The following LRCH1 variants were observed in gnomAD, a reference collection of about 807,000 sequenced individuals.
LRCH1 encodes the protein leucine rich repeats and calponin homology domain containing 1.
A neutral mutation model predicts 94.9 loss-of-function variants in LRCH1; 23 were observed. The observed-to-expected ratio is 0.24, with a 90% CI of 0.17 to 0.34. The LOEUF is 0.34. Among genes scored for constraint, LRCH1 ranks in the 10% least tolerant of loss-of-function variants. The pLI is 1.00. For missense variants in LRCH1, 790 were observed against 945.9 expected (o/e 0.84, Z 2.16); for synonymous variants, 364 against 354.9 (o/e 1.03, Z -0.29).
chr13:46,575,046 G>T (rs2050288144), intron 1 of LRCH1, among the ~76,000 whole-genome samples: 1 of 151,952 alleles, frequency 6.6e-6, no homozygotes, highest in Non-Finnish European at 1.5e-5. Flanking sequence ...TGGATAGTGG[G>T]ATAAATGAAA....
chr13:46,621,373 A>G (rs150020299), intron 1 of LRCH1, among the ~76,000 whole-genome samples: 1 of 152,252 alleles, frequency 6.6e-6, no homozygotes. Flanking sequence ...ATGGAAATGC[A>G]GCTGACTTGC....
In LRCH1 at chr13:46,733,927, C is replaced by T; in HGVS notation, c.2014C>T (p.Leu672Phe). Residue 672 changes from leucine (L) to phenylalanine (F), a missense_variant, in exon 19 of 20, where the codon CTT becomes TTT. This residue lies in a region of LRCH1 where 460 missense variants were observed against 508.9 expected (regional missense o/e 0.90). Coordinates refer to ENST00000389797, the MANE Select transcript of LRCH1 (RefSeq NM_001164211.2). ...IHVPSPAVPK[L>F]SMAKCRRNVE... The stretch of plus-strand genomic sequence containing the variant: ...CGTATATTTGCATTTATAGCCCAAA[C>T]TTAGCATGGCCAAATGCAGAAGAAA... The T allele has an allele frequency of 6.3e-7, 1 of 1,596,860 alleles. No individual in the cohort carries two copies. The highest frequency in any genetic ancestry group is 8.5e-7 in the Non-Finnish European group (1 of 1,170,750).
intron 1 of LRCH1, among the ~76,000 whole-genome samples, chr13:46,644,140 C>T (rs1274453911): frequency 6.6e-6 from 1 of 152,106 alleles, no homozygotes; most frequent in African/African-American, 2.4e-5. Context: ...CTTTCAGAGC[C>T]TTAGTTTTGT....
At chr13:46,640,996 G>A (rs1043963408) in intron 1 of LRCH1, among the ~76,000 whole-genome samples, 2 of 152,152 alleles carry the variant, frequency 1.3e-5, no homozygotes, top group Non-Finnish European at 2.9e-5. Context: ...TTTAACCCTG[G>A]AAGCGTTGGG....
chr13:46,683,945 C>A (rs763203863), intron 4 of LRCH1, among the ~76,000 whole-genome samples: 6 of 152,054 alleles, frequency 3.9e-5, no homozygotes, highest in Non-Finnish European at 7.4e-5. Flanking sequence ...TACTTTCAGT[C>A]AGTGACTGTA....
intron 1 of LRCH1, among the ~76,000 whole-genome samples, chr13:46,622,329 A>C (rs193037126): frequency 4.6e-5 from 7 of 152,290 alleles, no homozygotes; most frequent in African/African-American, 1.7e-4. Flanking sequence ...AATAAGACAC[A>C]ATCTATCGTT....
At chr13:46,570,662 T>C (rs1200399829) in intron 1 of LRCH1, among the ~76,000 whole-genome samples, 1 of 152,260 alleles carries the variant, frequency 6.6e-6, no homozygotes, top group Non-Finnish European at 1.5e-5. Context: ...TTCCTTTTAT[T>C]CTGTTAGAAG....
chr13:46,616,954 G>T (rs1355225084), intron 1 of LRCH1, among the ~76,000 whole-genome samples: 1 of 152,220 alleles, frequency 6.6e-6, no homozygotes, highest in Admixed American at 6.5e-5. Flanking sequence ...AAGGGTGGGG[G>T]AGATTACAAA....
chr13:46,670,711 G>A (rs1378454962), intron 3 of LRCH1, among the ~76,000 whole-genome samples: 1 of 151,768 alleles, frequency 6.6e-6, no homozygotes, highest in Non-Finnish European at 1.5e-5. Context: ...GCACGAGGCA[G>A]GGAATGATTA....
At chr13:46,676,303 G>A (rs564547067) in intron 3 of LRCH1, among the ~76,000 whole-genome samples, 1 of 152,118 alleles carries the variant, frequency 6.6e-6, no homozygotes, top group Admixed American at 6.5e-5. Flanking sequence ...AAGCATTGAG[G>A]GTTTTTGACT....
At chr13:46,694,788 GA>G in intron 8 of LRCH1, 104 bp from the exon 9 acceptor site, 1 of 1,241,254 alleles carries the variant, frequency 8.1e-7, no homozygotes, top group East Asian at 2.3e-5. Flanking sequence ...TCTTCATAGG[GA>G]ACACAGAAGA....
At chr13:46,681,936 T>TGTG in intron 4 of LRCH1, 90 bp downstream of exon 4, 2 of 523,206 alleles carry the variant, frequency 3.8e-6, no homozygotes, top group South Asian at 4.3e-5. Context: ...GGGTCGATCT[T>TGTG]TGTGTGTGTG....
intron 1 of LRCH1, among the ~76,000 whole-genome samples, chr13:46,637,753 C>A (rs1594305606): frequency 6.6e-6 from 1 of 152,124 alleles, no homozygotes; most frequent in Non-Finnish European, 1.5e-5. Flanking sequence ...CGCTTACCAC[C>A]CTGTAACATG....
chr13:46,702,226 G>A (rs1441592341), intron 11 of LRCH1, among the ~76,000 whole-genome samples: 3 of 152,106 alleles, frequency 2.0e-5, no homozygotes, highest in Non-Finnish European at 4.4e-5. Flanking sequence ...ACTGGGCCAG[G>A]CGCGGTGGCT....
chr13:46,645,367 A>G (rs1259764944), intron 1 of LRCH1, among the ~76,000 whole-genome samples: 2 of 152,202 alleles, frequency 1.3e-5, no homozygotes, highest in African/African-American at 2.4e-5. Flanking sequence ...CTACAGTGAA[A>G]TGTCAAATTC....
intron 1 of LRCH1, among the ~76,000 whole-genome samples, chr13:46,571,562 C>G (rs1435042627): frequency 6.6e-6 from 1 of 152,162 alleles, no homozygotes; most frequent in Non-Finnish European, 1.5e-5. Flanking sequence ...ATGCTGTGAA[C>G]ACTCTCCCAG....
intron 1 of LRCH1, among the ~76,000 whole-genome samples, chr13:46,632,535 C>T (rs147508385): frequency 6.6e-6 from 1 of 152,236 alleles, no homozygotes; most frequent in Non-Finnish European, 1.5e-5. Flanking sequence ...GATTTTCTAA[C>T]AGATTTATAT....
At chr13:46,690,628 A>T (rs1484722477) in intron 7 of LRCH1, among the ~76,000 whole-genome samples, 2 of 152,184 alleles carry the variant, frequency 1.3e-5, no homozygotes, top group African/African-American at 4.8e-5. Context: ...ATTTTGCTAA[A>T]TTTTTAAGAT....
Position 46,742,178 on chromosome 13 carries a change from GGGA to G in LRCH1, c.*335_*337del. 8.6e-7 allele frequency: 1 copy of G among 1,162,772 alleles called. No homozygotes were observed. The highest frequency in any genetic ancestry group is 1.1e-6 in the Non-Finnish European group (1 of 938,174). 72.0% of individuals were successfully genotyped at this position (1,162,772 alleles called of 1,614,324 possible). ...CGGTGAGCTGCTGCCCTGGGCAGAG[GGGA>G]GGAGAATTCCAGGACAAGAGTGTCA... On this transcript the variant is annotated 3_prime_UTR_variant, in exon 20 of 20. Transcript: ENST00000389797.
Sources: gnomAD v4.1 joint callset for allele counts (sites outside exome capture counted in the v4.1 genomes callset) on GRCh38, gnomAD v4.1.1 for gene constraint, gnomAD v4.1.1 regional missense constraint, MANE v1.5 for transcripts, NCBI Gene and HGNC (gene_info 2026-07-23, HGNC 2026-07-21) for gene names.